Variants in DNAH14 observed in about 807,000 individuals in gnomAD.
DNAH14 encodes the protein dynein axonemal heavy chain 14, also known as axonemal beta dynein heavy chain 14.
Under a neutral mutation model 520.9 loss-of-function variants are expected in DNAH14, and 478 were observed. That is an observed-to-expected ratio of 0.92 (90% CI 0.85 to 0.99). The LOEUF (loss-of-function observed/expected upper bound fraction) is 0.99, where lower values mean the gene tolerates loss of function less well. DNAH14 is among the 50% of genes least tolerant of loss of function. The pLI is 0.00. For synonymous variants in DNAH14, 1,581 were observed against 1,757.2 expected (o/e 0.90, Z 2.51); for missense variants, 4,831 against 5,234.5 (o/e 0.92, Z 2.38).
intron 10 of DNAH14, among the ~76,000 whole-genome samples, chr1:225,008,924 T>C (rs981046514): frequency 1.8e-4 from 28 of 152,202 alleles, no homozygotes; most frequent in African/African-American, 6.3e-4. Context: ...TTGAAAAGTG[T>C]TTGTTCATAT....
intron 10 of DNAH14, among the ~76,000 whole-genome samples, chr1:225,020,201 C>CA (rs59702684): frequency 0.056 from 8,483 of 150,808 alleles, 468 homozygotes; most frequent in East Asian, 0.24. Flanking sequence ...CAGAGAAATA[C>CA]AAAAAAAAAT....
Position 225,192,734 on chromosome 1 carries a change from A to G in DNAH14, c.5709A>G (p.Leu1903=). 7 of 1,549,536 alleles carry G rather than the reference A, an allele frequency of 4.5e-6. No individual in the cohort carries two copies. The highest frequency in any genetic ancestry group is 5.2e-6 in the Non-Finnish European group (6 of 1,145,656). ...AAGGAAAAGTAGATATTTGTGTTTT[A>G]AATCCAAAGTGTGTCACTCTCAGTG... ...ERKGKVDICV[L]NPKCVTLSEL... The change falls in exon 38 of 86, where the codon TTA becomes TTG. Residue 1903 remains leucine (L), a synonymous_variant. Coordinates refer to ENST00000682510, the MANE Select transcript of DNAH14 (RefSeq NM_001367479.1).
chr1:225,192,853 A>G lies in DNAH14; in HGVS notation c.5828A>G (p.Lys1943Arg). The G allele has an allele frequency of 1.3e-6, 2 of 1,549,622 alleles. No individual in the cohort carries two copies. Among genetic ancestry groups the G allele is most frequent in the East Asian group, 2.5e-5 (1 of 40,744 alleles). The change falls in exon 38 of 86, where the codon AAG becomes AGG. Residue 1943 changes from lysine (K) to arginine (R), a missense_variant. By Grantham distance (26) the Lys-to-Arg change is conservative. Coordinates refer to ENST00000682510, the MANE Select transcript of DNAH14 (RefSeq NM_001367479.1). ...IRSYVYFNTP[K>R]NTKKDIDLRL... ...AGTTATGTATATTTTAACACACCAA[A>G]GAACACAAAGAAAGACATTGATCTC...
Position 225,137,982 on chromosome 1 carries a change from C to T in DNAH14, c.4255-2786C>T, listed in dbSNP as rs950601951. On this transcript the variant is annotated intron_variant, in intron 27 of 85. Coordinates refer to ENST00000682510, the MANE Select transcript of DNAH14 (RefSeq NM_001367479.1). ...ACCCCCCTAGTGAGGAGGAGTGAGT[C>T]GGGCCCCAGTTAAAGAAGCAGTCTG... Among the ~76,000 whole-genome samples, 5 of 152,114 alleles carry T rather than the reference C, an allele frequency of 3.3e-5. No homozygotes were observed. The South Asian group carries it at 6.2e-4, about 19-fold the overall frequency.
chr1:224,935,430 G>A (rs1326131384), intron 1 of DNAH14, among the ~76,000 whole-genome samples: 2 of 151,802 alleles, frequency 1.3e-5, no homozygotes, highest in Admixed American at 6.6e-5. Context: ...GGGAGTAGGA[G>A]TAGCCATACT....
At position 225,152,828 on chromosome 1, in the gene DNAH14, T is replaced by C; in HGVS notation, c.5141T>C (p.Leu1714Pro). ...FSFGFKSANS[L>P]SGKLTNLYEL... Reference sequence around the variant, plus strand: ...TTTGGTTTCAAATCTGCAAATTCACTCTCTGGAAAGCTAACTAACCTTTAT... The same window carrying C: ...TTTGGTTTCAAATCTGCAAATTCACCCTCTGGAAAGCTAACTAACCTTTAT... The change falls in exon 33 of 86, where the codon CTC becomes CCC. Residue 1714 changes from leucine (L) to proline (P), a missense_variant. Leu to Pro is a moderately conservative substitution (Grantham distance 98). Coordinates refer to ENST00000682510, the MANE Select transcript of DNAH14 (RefSeq NM_001367479.1). 3 of 1,551,324 alleles carry C rather than the reference T, an allele frequency of 1.9e-6. No homozygotes were observed. Among genetic ancestry groups the C allele is most frequent in the Non-Finnish European group, 2.6e-6 (3 of 1,146,814 alleles).
chr1:225,133,494 G>T (rs76961131), intron 27 of DNAH14, among the ~76,000 whole-genome samples: 18 of 152,022 alleles, frequency 1.2e-4, no homozygotes, highest in African/African-American at 4.3e-4. Context: ...TCCTTTCCCC[G>T]TTGCTTGTTT....
rs189747207 is a variant in DNAH14, at chr1:225,240,713, C to T, written c.6639C>T (p.His2213=). 1.9e-5 allele frequency: 29 copies of T among 1,550,944 alleles called. No individual in the cohort carries two copies. The Admixed American group carries it at 4.3e-4, about 23-fold the overall frequency. The part of the protein sequence containing the change: ...FGGALNREDE[H]RENIPFCPSL... ...GAGCTTTAAACCGTGAAGATGAACA[C>T]AGAGAAAATATACCATTTTGTCCCA... The change falls in exon 43 of 86, where the codon CAC becomes CAT. Residue 2213 remains histidine, a synonymous_variant. Transcript: ENST00000682510.
rs2060756160 is a variant in DNAH14 at position 224,960,183 on chromosome 1, A to G, written c.248A>G (p.His83Arg). 6.2e-7 allele frequency: 1 copy of G among 1,603,148 alleles called. No homozygotes were observed. The highest frequency in any genetic ancestry group is 8.5e-7 in the Non-Finnish European group (1 of 1,176,344). The change falls in exon 4 of 86, where the codon CAT becomes CGT. Residue 83 changes from histidine (H) to arginine (R), a missense_variant. By Grantham distance (29) the His-to-Arg change is conservative. Transcript: ENST00000682510. ...DYLRESIIQQ[H>R]MVSPEPASLK... ...CTTAGAGAAAGTATAATTCAACAAC[A>G]TATGGTTTCTCCAGAGCCAGCTTCC...
chr1:225,091,999 G>T (rs1020707419), intron 21 of DNAH14, among the ~76,000 whole-genome samples: 2 of 151,936 alleles, frequency 1.3e-5, no homozygotes, highest in African/African-American at 4.8e-5. Context: ...AATGGTAAAG[G>T]GTTCAATTCA....
chr1:224,970,749 T>C (rs2061458660), intron 7 of DNAH14, among the ~76,000 whole-genome samples: 1 of 152,134 alleles, frequency 6.6e-6, no homozygotes, highest in Admixed American at 6.6e-5. Flanking sequence ...GGGTGGCAGA[T>C]GTGGAAGAAA....
At chr1:225,338,313 T>C in intron 68 of DNAH14, 131 bp downstream of exon 68, 2 of 1,226,870 alleles carry the variant, frequency 1.6e-6, no homozygotes, top group Non-Finnish European at 2.3e-6. Flanking sequence ...GAATATTCTT[T>C]TTGTTTTTGT....
chr1:225,096,462 C>T (rs1361381505), intron 21 of DNAH14, among the ~76,000 whole-genome samples: 1 of 151,986 alleles, frequency 6.6e-6, no homozygotes, highest in Non-Finnish European at 1.5e-5. Flanking sequence ...TGGACAAGTC[C>T]ACTGGTTTCC....
At chr1:225,056,592 T>C (rs2148360399) in intron 17 of DNAH14, among the ~76,000 whole-genome samples, 1 of 152,326 alleles carries the variant, frequency 6.6e-6, no homozygotes, top group Middle Eastern at 3.4e-3. Context: ...GTTTTAGATA[T>C]GAAGTCCTTG....
Position 225,368,001 on chromosome 1 carries a change from T to C in DNAH14, c.12287T>C (p.Ile4096Thr). ...AATTACGGAATATTGGGCTGGAATA[T>C]TGCTTATAAATTTAATTCTTCAGAC... ...RKNYGILGWN[I>T]AYKFNSSDLG... The change falls in exon 77 of 86, where the codon ATT becomes ACT. Residue 4096 changes from isoleucine (I) to threonine (T), a missense_variant. Coordinates refer to ENST00000682510, the MANE Select transcript of DNAH14 (RefSeq NM_001367479.1). 2.6e-6 allele frequency: 4 copies of C among 1,550,076 alleles called. No individual in the cohort carries two copies. Among genetic ancestry groups the C allele is most frequent in the Non-Finnish European group, 3.5e-6 (4 of 1,146,696 alleles).
In DNAH14 at chr1:225,346,030, T is replaced by G; in HGVS notation, c.10747T>G (p.Ser3583Ala). Reference protein sequence around the residue: ...RKSKMTSNEISKRIEATKKAE... With the variant: ...RKSKMTSNEIAKRIEATKKAE... ...ATCCAAAATGACATCAAACGAAATT[T>G]CAAAGCGCATCGAAGCAACAAAAAA... Residue 3583 changes from serine to alanine, a missense_variant, in exon 70 of 86, where the codon TCA becomes GCA. Physicochemically the swap from Ser to Ala is moderately conservative, Grantham distance 99 (BLOSUM62 1). Transcript: ENST00000682510. 2 of 1,551,608 alleles carry G rather than the reference T, an allele frequency of 1.3e-6. No individual in the cohort carries two copies. Among genetic ancestry groups the G allele is most frequent in the Non-Finnish European group, 1.7e-6 (2 of 1,146,970 alleles).
intron 41 of DNAH14, among the ~76,000 whole-genome samples, chr1:225,218,999 C>T (rs2089750433): frequency 6.6e-6 from 1 of 152,118 alleles, no homozygotes; most frequent in Non-Finnish European, 1.5e-5. Context: ...GATTAACGAA[C>T]TCACTCAAAA....
chr1:225,219,557 A>G (rs144915493), intron 41 of DNAH14, among the ~76,000 whole-genome samples: 2,390 of 152,154 alleles, frequency 0.016, 76 homozygotes, highest in African/African-American at 0.053. Context: ...AGAAAATCTA[A>G]AAGAAATGGA....
At chr1:225,276,983 A>G (rs71646711) in intron 53 of DNAH14, among the ~76,000 whole-genome samples, 1,206 of 35,314 alleles carry the variant, frequency 0.034, 34 homozygotes, top group East Asian at 0.081. Flanking sequence ...GGAAGGAAGG[A>G]AGGGAGGGAG....
Sources: allele counts gnomAD v4.1 joint callset (sites outside exome capture counted in the v4.1 genomes callset), GRCh38; gene constraint gnomAD v4.1.1; transcripts MANE v1.5; gene names NCBI Gene and HGNC (gene_info 2026-07-23, HGNC 2026-07-21).